The following ART3 variants were observed in gnomAD, a reference collection of about 807,000 sequenced individuals.
ART3 encodes ecto-ADP-ribosyltransferase 3.
A neutral mutation model predicts 48.5 loss-of-function variants in ART3; 49 were observed. The ratio of observed to expected loss-of-function variants is 1.01; its 90% confidence interval spans 0.80 to 1.28. The LOEUF is 1.28. Among genes scored for constraint, ART3 ranks in the 50% most tolerant of loss-of-function variants. The pLI is 0.00. For synonymous variants in ART3, 145 were observed against 157.2 expected (o/e 0.92, Z 0.58); for missense variants, 438 against 454.3 (o/e 0.96, Z 0.33).
rs1736374285 is a variant in ART3 at position 76,053,919 on chromosome 4, C to T, written c.-9-21962C>T. Among the ~76,000 whole-genome samples, 3 of 152,252 alleles carry T rather than the reference C, an allele frequency of 2.0e-5. 1 individual carries two copies. In the South Asian group the frequency reaches 6.2e-4, roughly 32 times the overall value. On this transcript the variant is annotated intron_variant, in intron 1 of 9. Coordinates refer to the ART3 transcript ENST00000341029. ...TCTGTGCATGGCCTTTAGTTGGCTG[C>T]CTGGAAAATGACTGCACTCGACAAC...
chr4:76,081,916 A>G lies in ART3; in HGVS notation c.162A>G (p.Gln54=). Residue 54 remains glutamine, a synonymous_variant, in exon 3 of 12, where the codon CAA becomes CAG. Transcript: ENST00000355810. ...TDRMEIKYVP[Q]LLKEEKASHQ... is the part of the protein sequence containing the mutation. ...GGATGGAAATTAAATACGTTCCCCA[A>G]CTGCTAAAGGAGGAAAAAGCAAGCC... 1 of 1,614,204 alleles carries G rather than the reference A, an allele frequency of 6.2e-7. No homozygotes were observed. Among genetic ancestry groups the G allele is most frequent in the Non-Finnish European group, 8.5e-7 (1 of 1,180,036 alleles).
intron 1 of ART3, chr4:76,036,164 T>G (rs1387758443): frequency 1.7e-6 from 1 of 577,900 alleles, no homozygotes; most frequent in African/African-American, 1.9e-5. Flanking sequence ...GTCATGCACC[T>G]TTCCTGCTTC....
chr4:76,083,844 G>A (rs1164309788), intron 3 of ART3, among the ~76,000 whole-genome samples: 3 of 152,202 alleles, frequency 2.0e-5, no homozygotes, highest in African/African-American at 7.2e-5. Context: ...AATATAGTGT[G>A]TGGGGGAGAC....
intron 2 of ART3, 62 bp downstream of exon 2, chr4:76,076,020 G>C: frequency 1.2e-6 from 1 of 868,294 alleles, no homozygotes; most frequent in Non-Finnish European, 1.6e-6. Context: ...TTTTTTTTTT[G>C]AGACGGAGTC....
At chr4:76,020,268 A>T (rs916116445) in intron 1 of ART3, among the ~76,000 whole-genome samples, 1 of 151,938 alleles carries the variant, frequency 6.6e-6, no homozygotes, top group Non-Finnish European at 1.5e-5. Context: ...CTAAAAAAAT[A>T]TATTTTTTTT....
chr4:76,070,274 TA>T (rs894910388), upstream of ART3, among the ~76,000 whole-genome samples: 1 of 152,208 alleles, frequency 6.6e-6, no homozygotes, highest in African/African-American at 2.4e-5. Flanking sequence ...CCAAATTGTT[TA>T]AAAAATAGCT....
chr4:76,100,290 G>A lies in ART3; in HGVS notation c.848-1G>A, dbSNP rs1174503433. On this transcript the variant is annotated splice_acceptor_variant, in intron 5 of 11. Transcript: ENST00000355810. LOFTEE classifies it high-confidence loss of function. Reference sequence around the variant, plus strand: ...TGATGAACTTCTTTTCTGTGACTCAGGTGAGAAAAACCAGAAGCTTGAAGA... The same window carrying A: ...TGATGAACTTCTTTTCTGTGACTCAAGTGAGAAAAACCAGAAGCTTGAAGA... 6.2e-7 allele frequency: 1 copy of A among 1,612,262 alleles called. No homozygotes were observed. Among genetic ancestry groups the A allele is most frequent in the Admixed American group, 1.7e-5 (1 of 59,926 alleles).
chr4:76,038,814 C>A (rs4859600), intron 1 of ART3, among the ~76,000 whole-genome samples: 2 of 151,692 alleles, frequency 1.3e-5, no homozygotes, highest in Non-Finnish European at 2.9e-5. Flanking sequence ...CCTCTGCCTC[C>A]TGGATTCAAG....
exon 1 of ART3, chr4:76,011,222 G>A (rs1731758342): frequency 6.6e-6 from 1 of 152,508 alleles, no homozygotes; most frequent in African/African-American, 2.4e-5. Context: ...ATACCCGGAG[G>A]TCTCGACGCT....
intron 1 of ART3, 59 bp from the exon 2 acceptor site, chr4:76,075,822 T>C: frequency 1.5e-6 from 2 of 1,323,156 alleles, no homozygotes; most frequent in Non-Finnish European, 2.1e-6. Flanking sequence ...CATCCTATTC[T>C]ACTTCCCTAC....
chr4:76,047,828 A>G (rs911393713), intron 1 of ART3, among the ~76,000 whole-genome samples: 1 of 152,024 alleles, frequency 6.6e-6, no homozygotes, highest in Non-Finnish European at 1.5e-5. Context: ...TAACAGTGGC[A>G]TGACATCTCT....
upstream of ART3, among the ~76,000 whole-genome samples, chr4:76,073,636 G>A (rs147914910): frequency 9.2e-3 from 1,406 of 152,276 alleles, 12 homozygotes; most frequent in Middle Eastern, 0.034. Flanking sequence ...ATTTGTCAAT[G>A]TAATTGGCAT....
chr4:76,094,428 G>A (rs533054405), intron 3 of ART3, among the ~76,000 whole-genome samples: 14 of 152,218 alleles, frequency 9.2e-5, no homozygotes, highest in Admixed American at 2.0e-4. Context: ...TTGGGTGCCA[G>A]ATGCTGTGAA....
chr4:76,112,588 G>C lies in ART3; in HGVS notation c.*69G>C. ...TATAGGGATCCACAGGAGATCAAAA[G>C]GAATGATGTATTTTTTACGTGTTGG... On this transcript the variant is annotated 3_prime_UTR_variant, in exon 12 of 12. Transcript: ENST00000355810. 6.8e-7 allele frequency: 1 copy of C among 1,462,494 alleles called. No homozygotes were observed. The highest frequency in any genetic ancestry group is 9.1e-7 in the Non-Finnish European group (1 of 1,094,178). 90.6% of individuals were successfully genotyped at this position (1,462,494 alleles called of 1,614,324 possible).
intron 1 of ART3, 117 bp from the exon 2 acceptor site, chr4:76,075,764 G>T: frequency 1.4e-6 from 1 of 725,290 alleles, no homozygotes; most frequent in Non-Finnish European, 2.3e-6. Context: ...ATCACTTCCT[G>T]ACCATCATGC....
intron 2 of ART3, among the ~76,000 whole-genome samples, chr4:76,076,322 T>G (rs572129091): frequency 6.6e-6 from 1 of 152,188 alleles, no homozygotes; most frequent in East Asian, 1.9e-4. Context: ...AAATTCTTGA[T>G]ATAACATTAC....
At chr4:76,104,997 G>A (rs969834348) in intron 10 of ART3, among the ~76,000 whole-genome samples, 1 of 152,162 alleles carries the variant, frequency 6.6e-6, no homozygotes, top group African/African-American at 2.4e-5. Context: ...TGGAAGCTGC[G>A]TGCTGTATAA....
intron 11 of ART3, among the ~76,000 whole-genome samples, chr4:76,111,568 A>T (rs1369000084): frequency 6.6e-6 from 1 of 150,794 alleles, no homozygotes; most frequent in African/African-American, 2.4e-5. Context: ...TTTGAGCTGG[A>T]GTCTTGCTCT....
chr4:76,111,026 G>A (rs59547714), intron 11 of ART3, among the ~76,000 whole-genome samples: 19,959 of 151,922 alleles, frequency 0.13, 1,523 homozygotes, highest in East Asian at 0.34. Context: ...GTAAAGATGC[G>A]GTATTAAAAC....
Sources: allele counts gnomAD v4.1 joint callset (sites outside exome capture counted in the v4.1 genomes callset), GRCh38; gene constraint gnomAD v4.1.1; transcripts MANE v1.5; gene names NCBI Gene and HGNC (gene_info 2026-07-23, HGNC 2026-07-21).